The following GRIA4 variants were observed in gnomAD, a reference collection of about 807,000 sequenced individuals.
The protein encoded by GRIA4 is glutamate ionotropic receptor AMPA type subunit 4.
GRIA4 carries 34 observed loss-of-function variants against 104.0 expected under a neutral mutation model. The ratio of observed to expected loss-of-function variants is 0.33; its 90% CI spans 0.25 to 0.44. The LOEUF (loss-of-function observed/expected upper bound fraction) is 0.44. GRIA4 is among the 20% of genes least tolerant of loss of function. GRIA4 has a pLI of 1.00. For missense variants in GRIA4, 750 were observed against 1,096.5 expected, an observed-to-expected ratio of 0.68 and a Z score of 4.46; for synonymous variants, 386 against 381.9, an observed-to-expected ratio of 1.01 and a Z score of -0.13.
chr11:105,812,787 G>T (rs1943227810), intron 4 of GRIA4, among the ~76,000 whole-genome samples: 1 of 152,038 alleles, frequency 6.6e-6, no homozygotes, highest in Non-Finnish European at 1.5e-5. Flanking sequence ...TTATGAAAAA[G>T]GGCTTTGATT....
chr11:105,641,363 AG>A (rs1363015655), intron 3 of GRIA4, among the ~76,000 whole-genome samples: 3 of 152,166 alleles, frequency 2.0e-5, no homozygotes, highest in Non-Finnish European at 2.9e-5. Context: ...CTATCTTCTC[AG>A]CCCACTCTTG....
chr11:105,707,772 A>T (rs183088488), intron 3 of GRIA4: 185 of 152,312 alleles, frequency 1.2e-3, no homozygotes, highest in African/African-American at 4.0e-3. Flanking sequence ...AGAGAAAAAA[A>T]TTATTGATCT....
intron 5 of GRIA4, among the ~76,000 whole-genome samples, chr11:105,866,551 G>GTGTGTACATATATA (rs1299256765): frequency 2.7e-4 from 21 of 76,752 alleles, no homozygotes; most frequent in Non-Finnish European, 4.1e-4. Context: ...GTGTGTGTGT[G>GTGTGTACATATATA]TATATATATA....
At chr11:105,880,927 TC>T (rs1946029865) in intron 5 of GRIA4, among the ~76,000 whole-genome samples, 3 of 152,192 alleles carry the variant, frequency 2.0e-5, no homozygotes, top group Admixed American at 2.0e-4. Context: ...CATTATCAAT[TC>T]TACTACTACA....
intron 14 of GRIA4, among the ~76,000 whole-genome samples, chr11:105,948,595 G>GTTTTTTTTTTTTTTTTTTTTTTTTTTTT (rs3060323): frequency 5.7e-5 from 5 of 87,872 alleles, no homozygotes; most frequent in Non-Finnish European, 8.4e-5. Context: ...TTTTCTTTTT[G>GTTTTTTTTTTTTTTTTTTTTTTTTTTTT]TTTTTTTTTT....
intron 4 of GRIA4, among the ~76,000 whole-genome samples, chr11:105,788,235 CA>C (rs1263443831): frequency 6.6e-6 from 1 of 150,830 alleles, no homozygotes; most frequent in African/African-American, 2.4e-5. Flanking sequence ...ATTAGAAAAT[CA>C]AAAAAAACAA....
intron 14 of GRIA4, among the ~76,000 whole-genome samples, chr11:105,964,809 G>GT (rs1311298474): frequency 7.4e-4 from 93 of 125,668 alleles, no homozygotes; most frequent in African/African-American, 2.6e-3. Flanking sequence ...TTTTTTGTTT[G>GT]TTTGTTTTTG....
chr11:105,826,299 G>C (rs1943769228), intron 4 of GRIA4, among the ~76,000 whole-genome samples: 1 of 152,016 alleles, frequency 6.6e-6, no homozygotes. Context: ...TAGACTTGTA[G>C]ACTTCTTTGG....
chr11:105,615,237 A>G (rs1950571483), intron 3 of GRIA4, among the ~76,000 whole-genome samples: 1 of 151,928 alleles, frequency 6.6e-6, no homozygotes. Flanking sequence ...AGCTTATTTA[A>G]TGCTGGTTCA....
At chr11:105,757,532 A>C (rs969401518) in intron 4 of GRIA4, among the ~76,000 whole-genome samples, 10 of 152,334 alleles carry the variant, frequency 6.6e-5, no homozygotes, top group African/African-American at 2.4e-4. Context: ...GATGAAATAC[A>C]GAAGCCTGCA....
At position 105,778,541 on chromosome 11, in the gene GRIA4, T is replaced by C. The variant is rs146852852; in HGVS notation, c.487+25321T>C. On this transcript the variant is annotated intron_variant, in intron 4 of 16. Transcript: ENST00000282499. ...CCAACATGGTGAAACCCCGTTTCTA[T>C]TAAAAATACGAAAATTAGCCGGGTG... is the stretch of plus-strand genomic sequence containing the variant. Among the ~76,000 whole-genome samples the C allele has an allele frequency of 9.5e-3, 1,442 of 152,160 alleles. 31 individuals are homozygous for C. The highest frequency in any genetic ancestry group is 0.033 in the African/African-American group (1,373 of 41,512).
At chr11:105,663,045 C>T (rs1037255503) in intron 3 of GRIA4, among the ~76,000 whole-genome samples, 1 of 151,844 alleles carries the variant, frequency 6.6e-6, no homozygotes, top group African/African-American at 2.4e-5. Flanking sequence ...CTAAAATATC[C>T]TTGTAGCCTA....
chr11:105,972,170 C>T, intron 15 of GRIA4, 142 bp downstream of exon 15: 1 of 521,388 alleles, frequency 1.9e-6, no homozygotes. Context: ...TCATAAATTT[C>T]AACCATAGGG....
At chr11:105,841,739 A>C (rs1320539144) in intron 4 of GRIA4, among the ~76,000 whole-genome samples, 1 of 152,128 alleles carries the variant, frequency 6.6e-6, no homozygotes, top group Non-Finnish European at 1.5e-5. Flanking sequence ...CTGTTGATCC[A>C]AAGACCGTGG....
intron 6 of GRIA4, among the ~76,000 whole-genome samples, chr11:105,888,438 T>C (rs996514802): frequency 3.3e-5 from 5 of 151,132 alleles, no homozygotes; most frequent in Admixed American, 1.3e-4. Flanking sequence ...TGCCCGCCAC[T>C]ACGCCCGGCT....
chr11:105,831,734 C>A (rs2135934719), intron 4 of GRIA4, among the ~76,000 whole-genome samples: 1 of 152,078 alleles, frequency 6.6e-6, no homozygotes, highest in Admixed American at 6.6e-5. Context: ...GAATGAGCAA[C>A]CATTGAGATA....
intron 5 of GRIA4, among the ~76,000 whole-genome samples, chr11:105,881,439 G>T (rs1172838983): frequency 6.6e-6 from 1 of 152,112 alleles, no homozygotes; most frequent in African/African-American, 2.4e-5. Context: ...TGTCTATTAT[G>T]GTGAGTGACC....
intron 3 of GRIA4, among the ~76,000 whole-genome samples, chr11:105,628,205 A>C (rs1950937603): frequency 6.6e-6 from 1 of 152,204 alleles, no homozygotes; most frequent in South Asian, 2.1e-4. Flanking sequence ...ATAATGATTT[A>C]TGAACTTTCA....
At chr11:105,759,925 G>A (rs1274207689) in intron 4 of GRIA4, among the ~76,000 whole-genome samples, 1 of 151,986 alleles carries the variant, frequency 6.6e-6, no homozygotes, top group Non-Finnish European at 1.5e-5. Flanking sequence ...TAGAGACTCT[G>A]TCTTGCTCAT....
Sources: gnomAD v4.1 joint callset for allele counts (sites outside exome capture counted in the v4.1 genomes callset) on GRCh38, gnomAD v4.1.1 for gene constraint, MANE v1.5 for transcripts, NCBI Gene and HGNC (gene_info 2026-07-23, HGNC 2026-07-21) for gene names.